CACNA2D1: variants seen among roughly 807,000 people sequenced by gnomAD.
CACNA2D1 encodes the protein voltage-dependent calcium channel subunit alpha-2/delta-1.
A neutral mutation model predicts 171.5 loss-of-function variants in CACNA2D1; 53 were observed. The ratio of observed to expected loss-of-function variants is 0.31; its 90% CI spans 0.25 to 0.39. The LOEUF (loss-of-function observed/expected upper bound fraction) is 0.39. Ranked by LOEUF, CACNA2D1 falls within the 10% of genes least tolerant of loss-of-function variation. CACNA2D1 has a pLI of 1.00. For synonymous variants in CACNA2D1, 442 were observed against 443.1 expected (o/e 1.00, Z 0.03); for missense variants, 903 against 1,299.8 (o/e 0.69, Z 4.69).
intron 3 of CACNA2D1, among the ~76,000 whole-genome samples, chr7:82,171,375 A>G (rs1029249197): frequency 6.6e-6 from 1 of 151,826 alleles, no homozygotes; most frequent in Non-Finnish European, 1.5e-5. Flanking sequence ...CAACTTCACT[A>G]TGATGTTCTC....
chr7:82,086,365 A>C (rs1810485976), intron 6 of CACNA2D1, among the ~76,000 whole-genome samples: 1 of 152,296 alleles, frequency 6.6e-6, no homozygotes, highest in Admixed American at 6.5e-5. Flanking sequence ...CATTATTGAA[A>C]ACTAACAAGA....
chr7:82,061,214 C>T (rs1806872044), intron 9 of CACNA2D1, among the ~76,000 whole-genome samples: 2 of 152,086 alleles, frequency 1.3e-5, no homozygotes, highest in Admixed American at 1.3e-4. Context: ...ATTTTTCATT[C>T]CTATTTATGT....
chr7:82,181,062 T>C (rs1797086021), intron 3 of CACNA2D1, among the ~76,000 whole-genome samples: 1 of 129,026 alleles, frequency 7.8e-6, no homozygotes, highest in Non-Finnish European at 1.7e-5. Flanking sequence ...TTTTTTTTTT[T>C]TTTTTTTTTT....
chr7:82,105,398 C>CTTTTTTTTTTTTTTTTTTT (rs572031121), intron 6 of CACNA2D1, among the ~76,000 whole-genome samples: 2 of 99,486 alleles, frequency 2.0e-5, no homozygotes, highest in Non-Finnish European at 3.8e-5. Context: ...CAGTTTTTGT[C>CTTTTTTTTTTTTTTTTTTT]TTTTTTTTTT....
intron 21 of CACNA2D1, 66 bp from the exon 22 acceptor site, chr7:81,984,777 A>G: frequency 4.7e-6 from 4 of 850,712 alleles, no homozygotes; most frequent in Non-Finnish European, 7.8e-6. Flanking sequence ...TAAAAAAAAG[A>G]CACATCAAGT....
At chr7:82,058,235 G>A (rs114555817) in intron 10 of CACNA2D1, among the ~76,000 whole-genome samples, 174 of 152,234 alleles carry the variant, frequency 1.1e-3, no homozygotes, top group African/African-American at 4.0e-3. Flanking sequence ...ACTTCTTTAA[G>A]TAGTAGTGTT....
chr7:82,228,459 C>T (rs112931191), intron 3 of CACNA2D1, among the ~76,000 whole-genome samples: 4,713 of 152,204 alleles, frequency 0.031, 233 homozygotes, highest in African/African-American at 0.11. Context: ...GGTTATACAT[C>T]ATGGAAATGC....
chr7:82,008,489 T>C (rs945514968), intron 15 of CACNA2D1, among the ~76,000 whole-genome samples: 6 of 152,126 alleles, frequency 3.9e-5, no homozygotes. Context: ...ATTAAATGAA[T>C]CCATACAGAT....
chr7:82,265,133 A>G (rs975373463), intron 3 of CACNA2D1, among the ~76,000 whole-genome samples: 6 of 152,232 alleles, frequency 3.9e-5, no homozygotes, highest in African/African-American at 1.4e-4. Flanking sequence ...TGCATCTGTC[A>G]CACAGAAAGC....
intron 3 of CACNA2D1, among the ~76,000 whole-genome samples, chr7:82,209,453 C>T (rs1278315225): frequency 1.3e-5 from 2 of 152,108 alleles, no homozygotes; most frequent in African/African-American, 4.8e-5. Context: ...ACCTTGGTAG[C>T]AAAGTGGAAG....
intron 4 of CACNA2D1, among the ~76,000 whole-genome samples, chr7:82,169,908 T>C (rs192314627): frequency 5.7e-4 from 86 of 151,878 alleles, no homozygotes; most frequent in African/African-American, 2.0e-3. Flanking sequence ...ATGATAGATA[T>C]GCAGACCTTA....
intron 3 of CACNA2D1, among the ~76,000 whole-genome samples, chr7:82,249,807 C>A (rs1805408383): frequency 6.6e-6 from 1 of 152,282 alleles, no homozygotes; most frequent in Non-Finnish European, 1.5e-5. Context: ...TGAAGCTGGG[C>A]CTAGGATCAA....
At chr7:82,434,618 T>C (rs1829967369) in intron 1 of CACNA2D1, among the ~76,000 whole-genome samples, 1 of 152,184 alleles carries the variant, frequency 6.6e-6, no homozygotes, top group African/African-American at 2.4e-5. Flanking sequence ...AGTGAGAACA[T>C]GCAGTATTTG....
At chr7:82,054,425 C>A (rs1805567028) in intron 10 of CACNA2D1, among the ~76,000 whole-genome samples, 1 of 152,128 alleles carries the variant, frequency 6.6e-6, no homozygotes, top group Admixed American at 6.5e-5. Context: ...ATATTTTTCC[C>A]CTTGGAAGGG....
At chr7:82,206,100 A>C (rs1201399810) in intron 3 of CACNA2D1, among the ~76,000 whole-genome samples, 1 of 152,042 alleles carries the variant, frequency 6.6e-6, no homozygotes, top group Admixed American at 6.6e-5. Context: ...TACTTAACAA[A>C]ATATGACTTG....
intron 3 of CACNA2D1, among the ~76,000 whole-genome samples, chr7:82,324,971 A>T (rs1816466872): frequency 6.6e-6 from 1 of 152,220 alleles, no homozygotes; most frequent in Non-Finnish European, 1.5e-5. Flanking sequence ...TCCTGCTCAT[A>T]CAATGAATAA....
At chr7:82,335,361 T>C in intron 2 of CACNA2D1, 110 bp from the exon 3 acceptor site, 1 of 723,790 alleles carries the variant, frequency 1.4e-6, no homozygotes. Context: ...AACACCACCC[T>C]GTTCTTTATC....
At chr7:82,057,571 A>G (rs1806083027) in intron 10 of CACNA2D1, among the ~76,000 whole-genome samples, 1 of 152,118 alleles carries the variant, frequency 6.6e-6, no homozygotes, top group Non-Finnish European at 1.5e-5. Flanking sequence ...TACAAGAAAA[A>G]AAAAAAATAA....
At chr7:82,423,813 A>G (rs995796662) in intron 1 of CACNA2D1, among the ~76,000 whole-genome samples, 1 of 152,142 alleles carries the variant, frequency 6.6e-6, no homozygotes, top group Non-Finnish European at 1.5e-5. Context: ...AGTAAACTAG[A>G]GCTATTCAGA....
Sources: gnomAD v4.1 joint callset for allele counts (sites outside exome capture counted in the v4.1 genomes callset) on GRCh38, gnomAD v4.1.1 for gene constraint, MANE v1.5 for transcripts, NCBI Gene and HGNC (gene_info 2026-07-23, HGNC 2026-07-21) for gene names.